The following DGKI variants were observed in gnomAD, a reference collection of about 807,000 sequenced individuals.
The protein encoded by DGKI is DAG kinase iota.
In DGKI, 55 loss-of-function variants were observed where a neutral mutation model predicts 147.5. That is an observed-to-expected ratio of 0.37 (90% CI 0.30 to 0.47). DGKI has a LOEUF of 0.47. Among genes scored for constraint, DGKI ranks in the 20% least tolerant of loss-of-function variants. The pLI is 1.00. For missense variants in DGKI, 1,007 were observed against 1,323.8 expected (o/e 0.76, Z 3.71); for synonymous variants, 469 against 477.1 (o/e 0.98, Z 0.22).
chr7:137,723,679 G>T (rs999745803), intron 1 of DGKI, among the ~76,000 whole-genome samples: 2 of 137,570 alleles, frequency 1.5e-5, no homozygotes, highest in South Asian at 5.4e-4. Context: ...TGCTGATTTT[G>T]ATAAGGTATC....
chr7:137,594,299 G>A (rs1003103753), intron 12 of DGKI, among the ~76,000 whole-genome samples: 1 of 152,030 alleles, frequency 6.6e-6, no homozygotes, highest in Non-Finnish European at 1.5e-5. Context: ...TGCTCACCTC[G>A]GCCTCCCAAA....
At chr7:137,524,128 A>C (rs1417646835) in intron 20 of DGKI, among the ~76,000 whole-genome samples, 1 of 152,130 alleles carries the variant, frequency 6.6e-6, no homozygotes, top group Non-Finnish European at 1.5e-5. Flanking sequence ...TGGTTAAGTA[A>C]ACCAGAGAAC....
intron 5 of DGKI, among the ~76,000 whole-genome samples, chr7:137,653,459 T>C (rs1433176852): frequency 6.6e-6 from 1 of 152,236 alleles, no homozygotes; most frequent in African/African-American, 2.4e-5. Flanking sequence ...GCAGCATGGC[T>C]TACAAGGACC....
intron 21 of DGKI, among the ~76,000 whole-genome samples, chr7:137,512,122 A>G (rs1170548561): frequency 4.6e-5 from 7 of 152,232 alleles, no homozygotes; most frequent in Non-Finnish European, 1.5e-5. Context: ...GACAAGACCT[A>G]TGACCGCAAA....
At chr7:137,393,909 G>GA (rs1182321964) in intron 32 of DGKI, among the ~76,000 whole-genome samples, 1 of 152,068 alleles carries the variant, frequency 6.6e-6, no homozygotes, top group African/African-American at 2.4e-5. Context: ...AGGCCCCAGG[G>GA]AAAAAAATTG....
intron 1 of DGKI, among the ~76,000 whole-genome samples, chr7:137,738,527 G>C (rs539657870): frequency 2.6e-5 from 4 of 152,062 alleles, no homozygotes; most frequent in African/African-American, 9.6e-5. Flanking sequence ...GCATTTGTAG[G>C]ATGTGCTAAA....
Position 137,638,519 on chromosome 7 carries a change from TATATATACACACAC to T in DGKI, c.804+6939_804+6952del, listed in dbSNP as rs1314117364. The stretch of plus-strand genomic sequence containing the variant: ...ATATATATGTATATATATGTGTGTA[TATATATACACACAC>T]ATATATGTATATATATGTGTGTATA... On this transcript the variant is annotated intron_variant, in intron 6 of 32. Coordinates refer to ENST00000614521, the MANE Select transcript of DGKI (RefSeq NM_001321708.2). Among the ~76,000 whole-genome samples the T allele has an allele frequency of 1.0e-4, 12 of 118,370 alleles. No homozygotes were observed. The East Asian group carries it at 3.2e-3, about 31-fold the overall frequency. The allele number at this position is 118,370 out of a possible 152,430, so 77.7% of individuals were successfully genotyped here.
intron 1 of DGKI, among the ~76,000 whole-genome samples, chr7:137,777,716 A>G (rs1326959504): frequency 2.0e-5 from 3 of 152,200 alleles, no homozygotes; most frequent in Non-Finnish European, 4.4e-5. Flanking sequence ...TTCTATTTAT[A>G]TACATAGATT....
intron 20 of DGKI, among the ~76,000 whole-genome samples, chr7:137,535,875 T>G (rs183988932): frequency 1.4e-3 from 207 of 152,288 alleles, no homozygotes; most frequent in Non-Finnish European, 2.3e-3. Context: ...TGACATTTCC[T>G]GATAAGCCTG....
chr7:137,842,161 A>G (rs1798562303), intron 1 of DGKI, among the ~76,000 whole-genome samples: 1 of 152,196 alleles, frequency 6.6e-6, no homozygotes, highest in African/African-American at 2.4e-5. Flanking sequence ...ACAAAATAAA[A>G]TGGATTTACA....
chr7:137,503,889 T>G (rs976850156), intron 21 of DGKI, among the ~76,000 whole-genome samples: 3 of 152,180 alleles, frequency 2.0e-5, no homozygotes, highest in African/African-American at 7.2e-5. Flanking sequence ...ATTATCAACA[T>G]GTACTGCCCT....
intron 3 of DGKI, among the ~76,000 whole-genome samples, chr7:137,663,806 G>A (rs180953332): frequency 9.2e-5 from 14 of 152,222 alleles, no homozygotes; most frequent in Admixed American, 7.9e-4. Flanking sequence ...TTTCCATGCC[G>A]CTATATTCCA....
At chr7:137,475,048 G>A (rs143453940) in intron 23 of DGKI, among the ~76,000 whole-genome samples, 250 of 152,272 alleles carry the variant, frequency 1.6e-3, no homozygotes, top group Non-Finnish European at 2.9e-3. Flanking sequence ...TATATCTCAT[G>A]TTAGGCAGCT....
chr7:137,468,692 T>C (rs1814756110), intron 24 of DGKI, among the ~76,000 whole-genome samples: 1 of 152,316 alleles, frequency 6.6e-6, no homozygotes, highest in Admixed American at 6.5e-5. Context: ...TTAAAACCCT[T>C]ACATTGCAGT....
At chr7:137,483,472 A>G (rs1464346637) in intron 23 of DGKI, among the ~76,000 whole-genome samples, 1 of 152,080 alleles carries the variant, frequency 6.6e-6, no homozygotes, top group African/African-American at 2.4e-5. Context: ...TCTTGGGTAC[A>G]TGTGCAGGAT....
Position 137,552,537 on chromosome 7 carries a change from C to G in DGKI, c.1979G>C (p.Arg660Thr). Residue 660 changes from arginine to threonine, a missense_variant, in exon 20 of 33, where the codon AGG (arginine) becomes ACG (threonine). This residue lies in a region of DGKI where 224 missense variants were observed against 382.7 expected (regional missense o/e 0.59). Coordinates refer to ENST00000614521, the MANE Select transcript of DGKI (RefSeq NM_001321708.2). ...AALQVGGHGE[R>T]LHQCREVMLL... ...CATGACTTCTCGACACTGGTGTAGC[C>G]TCTCTCCATGGCCCCCAACTTGCAG... 1 of 1,614,130 alleles carries G rather than the reference C, an allele frequency of 6.2e-7. No homozygotes were observed. The highest frequency in any genetic ancestry group is 8.5e-7 in the Non-Finnish European group (1 of 1,180,028).
chr7:137,778,039 C>T (rs1423688896), intron 1 of DGKI, among the ~76,000 whole-genome samples: 1 of 152,158 alleles, frequency 6.6e-6, no homozygotes, highest in East Asian at 1.9e-4. Flanking sequence ...GTACACAGCT[C>T]ACAGTGTAAT....
At chr7:137,714,787 T>G (rs1794327484) in intron 1 of DGKI, among the ~76,000 whole-genome samples, 1 of 152,182 alleles carries the variant, frequency 6.6e-6, no homozygotes, top group Admixed American at 6.5e-5. Flanking sequence ...ATGAAATCCA[T>G]TATCTTCAAC....
At chr7:137,752,678 C>T (rs575363202) in intron 1 of DGKI, among the ~76,000 whole-genome samples, 3 of 152,302 alleles carry the variant, frequency 2.0e-5, no homozygotes, top group Admixed American at 6.5e-5. Flanking sequence ...CCCCCAGTCA[C>T]ATAACCCCTG....
Sources: allele counts gnomAD v4.1 joint callset (sites outside exome capture counted in the v4.1 genomes callset), GRCh38; gene constraint gnomAD v4.1.1; regional missense constraint gnomAD v4.1.1; transcripts MANE v1.5; gene names NCBI Gene and HGNC (gene_info 2026-07-23, HGNC 2026-07-21).